MAML3: variants seen among roughly 807,000 people sequenced by gnomAD.
MAML3 encodes the protein mastermind-like protein 3.
MAML3 carries 27 observed loss-of-function variants against 101.9 expected under a neutral mutation model. The ratio of observed to expected loss-of-function variants is 0.27; its 90% CI spans 0.20 to 0.37. The LOEUF is 0.37. MAML3 is among the 10% of genes least tolerant of loss of function. The probability of loss-of-function intolerance (pLI) is 1.00; values close to 1 mark genes in which losing one functional copy is unlikely to be tolerated. For synonymous variants in MAML3, 501 were observed against 555.9 expected, an observed-to-expected ratio of 0.90 and a Z score of 1.39; for missense variants, 1,316 against 1,444.9, an observed-to-expected ratio of 0.91 and a Z score of 1.45.
chr4:140,108,130 C>A (rs953432500), intron 1 of MAML3, among the ~76,000 whole-genome samples: 11 of 152,084 alleles, frequency 7.2e-5, no homozygotes, highest in Non-Finnish European at 1.6e-4. Context: ...CTATCCCTCC[C>A]AACCCACCAT....
At chr4:139,796,452 T>C (rs962634208) in intron 2 of MAML3, among the ~76,000 whole-genome samples, 10 of 152,306 alleles carry the variant, frequency 6.6e-5, no homozygotes, top group African/African-American at 2.4e-4. Flanking sequence ...GGTACAAAGA[T>C]CCTACATGGA....
chr4:139,911,948 T>C lies in MAML3; in HGVS notation c.469-20981A>G, dbSNP rs936993767. Among the ~76,000 whole-genome samples the C allele has an allele frequency of 2.0e-5, 3 of 152,230 alleles. No homozygotes were observed. In the East Asian group the frequency reaches 5.8e-4, roughly 29 times the overall value. ...ACTAAAACATATGTACATACCACAC[T>C]TGGTTTATCCATTCATTCATTGCCT... On this transcript the variant is annotated intron_variant, in intron 1 of 4. Coordinates refer to ENST00000509479, the MANE Select transcript of MAML3 (RefSeq NM_018717.5).
intron 1 of MAML3, among the ~76,000 whole-genome samples, chr4:139,895,935 G>T (rs1043818782): frequency 4.6e-5 from 7 of 152,160 alleles, no homozygotes; most frequent in Non-Finnish European, 1.0e-4. Flanking sequence ...TATATTTCAT[G>T]TATCTGCATT....
chr4:140,153,053 T>C lies in MAML3; in HGVS notation c.275A>G (p.Glu92Gly), dbSNP rs1305751644. The C allele has an allele frequency of 1.9e-6, 3 of 1,578,266 alleles. No individual in the cohort carries two copies. The highest frequency in any genetic ancestry group is 1.8e-5 in the Admixed American group (1 of 54,484). The change falls in exon 1 of 5, where the codon GAG becomes GGG. Residue 92 changes from glutamate (E) to glycine (G), a missense_variant. Transcript: ENST00000509479. ...CACCTGAGCCTGCTGGTACCTGTTC[T>C]CGCAGTTGACGTGGTGCCGACGGCA... is the stretch of plus-strand genomic sequence containing the variant. ...EGCRRHHVNCENRYQQAQVEQ... is the reference protein window; with the variant it reads ...EGCRRHHVNCGNRYQQAQVEQ...
intron 1 of MAML3, among the ~76,000 whole-genome samples, chr4:140,073,304 A>C (rs963773434): frequency 2.0e-5 from 3 of 151,922 alleles, no homozygotes; most frequent in African/African-American, 7.3e-5. Context: ...TGCCCGGCTA[A>C]TTTTTGTATT....
intron 1 of MAML3, among the ~76,000 whole-genome samples, chr4:140,023,583 C>A (rs1250704681): frequency 1.3e-5 from 2 of 152,224 alleles, no homozygotes; most frequent in Non-Finnish European, 2.9e-5. Flanking sequence ...ATTGTTAAAA[C>A]AAGCTTATAT....
chr4:139,797,748 C>T (rs762074874), intron 2 of MAML3, among the ~76,000 whole-genome samples: 1 of 151,968 alleles, frequency 6.6e-6, no homozygotes, highest in Non-Finnish European at 1.5e-5. Flanking sequence ...TATGTCTATC[C>T]CCTGCACCCC....
chr4:140,053,058 C>A (rs1465940794), intron 1 of MAML3, among the ~76,000 whole-genome samples: 1 of 152,060 alleles, frequency 6.6e-6, no homozygotes, highest in Non-Finnish European at 1.5e-5. Context: ...CCCACAGAAA[C>A]CCCCTCATTC....
At chr4:140,124,287 G>C (rs1728652987) in intron 1 of MAML3, among the ~76,000 whole-genome samples, 1 of 152,176 alleles carries the variant, frequency 6.6e-6, no homozygotes, top group Non-Finnish European at 1.5e-5. Flanking sequence ...AGCTGAAAAT[G>C]ATGGCTACTC....
In MAML3 at chr4:139,756,160, G is replaced by A. The variant is rs1326421874; in HGVS notation, c.2080-25493C>T. 3.3e-5 allele frequency among the ~76,000 whole-genome samples: 5 copies of A among 152,250 alleles called. No homozygotes were observed. In the East Asian group the frequency reaches 9.6e-4, roughly 29 times the overall value. On this transcript the variant is annotated intron_variant, in intron 2 of 4. Transcript: ENST00000509479. ...ACAGCAAAGCATGTAGGTTGTCCGG[G>A]GAAGAATGCTACTTTGAACCTTCTA...
intron 2 of MAML3, among the ~76,000 whole-genome samples, chr4:139,754,146 T>C (rs922489059): frequency 2.6e-5 from 4 of 152,256 alleles, no homozygotes; most frequent in African/African-American, 4.8e-5. Flanking sequence ...CTGCAAAACT[T>C]GAACAAGTGC....
intron 2 of MAML3, among the ~76,000 whole-genome samples, chr4:139,768,888 A>G (rs1729919090): frequency 3.9e-5 from 6 of 152,140 alleles, no homozygotes; most frequent in Admixed American, 3.9e-4. Context: ...CTTTTCTTTC[A>G]GGTGATAACA....
At chr4:139,790,813 G>A (rs898784343) in intron 2 of MAML3, among the ~76,000 whole-genome samples, 1 of 152,076 alleles carries the variant, frequency 6.6e-6, no homozygotes, top group Non-Finnish European at 1.5e-5. Context: ...CATTTGGATT[G>A]TTGCTACCTT....
At chr4:140,027,658 A>G (rs1273523171) in intron 1 of MAML3, among the ~76,000 whole-genome samples, 1 of 152,238 alleles carries the variant, frequency 6.6e-6, no homozygotes, top group African/African-American at 2.4e-5. Context: ...AAGATGTTAA[A>G]TAAGACCATG....
At chr4:139,862,658 C>A (rs139252049) in intron 2 of MAML3, among the ~76,000 whole-genome samples, 15 of 152,228 alleles carry the variant, frequency 9.9e-5, no homozygotes, top group African/African-American at 3.4e-4. Context: ...GTAGCTGCCA[C>A]CCAGAACACA....
chr4:140,108,718 A>G (rs1297670902), intron 1 of MAML3, among the ~76,000 whole-genome samples: 1 of 151,840 alleles, frequency 6.6e-6, no homozygotes, highest in East Asian at 1.9e-4. Flanking sequence ...CTGATCAGTT[A>G]TATCCCATGG....
intron 2 of MAML3, among the ~76,000 whole-genome samples, chr4:139,840,263 A>G (rs1731338142): frequency 1.3e-5 from 2 of 152,252 alleles, no homozygotes; most frequent in East Asian, 1.9e-4. Flanking sequence ...AGCACAGTTC[A>G]TAAGTGGGAT....
At chr4:140,122,208 A>C (rs1375662463) in intron 1 of MAML3, among the ~76,000 whole-genome samples, 1 of 146,854 alleles carries the variant, frequency 6.8e-6, no homozygotes, top group Non-Finnish European at 1.5e-5. Flanking sequence ...TCACAGGAAT[A>C]ATCAAACGAG....
At chr4:140,081,352 C>T (rs1454944567) in intron 1 of MAML3, among the ~76,000 whole-genome samples, 1 of 152,076 alleles carries the variant, frequency 6.6e-6, no homozygotes, top group African/African-American at 2.4e-5. Context: ...TCCTCATTAA[C>T]TCACTGTCTT....
Sources: gnomAD v4.1 joint callset for allele counts (sites outside exome capture counted in the v4.1 genomes callset) on GRCh38, gnomAD v4.1.1 for gene constraint, MANE v1.5 for transcripts, NCBI Gene and HGNC (gene_info 2026-07-23, HGNC 2026-07-21) for gene names.